USH2A: variants seen among roughly 807,000 people sequenced by gnomAD.
The protein encoded by USH2A is usherin, also known as Usher syndrome 2A (autosomal recessive, mild).
In USH2A, 443 loss-of-function variants were observed where a neutral mutation model predicts 538.9. The ratio of observed to expected loss-of-function variants is 0.82; its 90% CI spans 0.76 to 0.89. The LOEUF (loss-of-function observed/expected upper bound fraction) is 0.89, where lower values mean the gene tolerates loss of function less well. USH2A is among the 40% of genes least tolerant of loss of function. The probability of loss-of-function intolerance (pLI) is 0.00; values close to 1 mark genes in which losing one functional copy is unlikely to be tolerated. For synonymous variants in USH2A, 2,413 were observed against 2,273.5 expected (o/e 1.06, Z -1.75); for missense variants, 6,633 against 6,324.8 (o/e 1.05, Z -1.65).
intron 51 of USH2A, among the ~76,000 whole-genome samples, chr1:215,789,322 G>T (rs1173544626): frequency 6.6e-6 from 1 of 152,146 alleles, no homozygotes; most frequent in Non-Finnish European, 1.5e-5. Context: ...CTGTGTAGTT[G>T]CCTCATTGAA....
At chr1:216,320,444 C>T (rs975721351) in intron 9 of USH2A, among the ~76,000 whole-genome samples, 3 of 152,178 alleles carry the variant, frequency 2.0e-5, no homozygotes, top group Non-Finnish European at 4.4e-5. Context: ...ATTCCATACA[C>T]TTGTCATTGA....
At chr1:216,170,217 A>T (rs2034249932) in intron 21 of USH2A, among the ~76,000 whole-genome samples, 2 of 152,156 alleles carry the variant, frequency 1.3e-5, no homozygotes, top group Non-Finnish European at 2.9e-5. Context: ...GAAATAAAGA[A>T]TATGCTCTTA....
chr1:216,093,248 C>G (rs2102569192), intron 22 of USH2A, among the ~76,000 whole-genome samples: 1 of 152,322 alleles, frequency 6.6e-6, no homozygotes, highest in South Asian at 2.1e-4. Context: ...CAGGCATGAG[C>G]CACCACGCCC....
chr1:215,918,266 T>C (rs1447455599), intron 38 of USH2A, among the ~76,000 whole-genome samples: 1 of 152,132 alleles, frequency 6.6e-6, no homozygotes, highest in East Asian at 1.9e-4. Context: ...GTGTCTGCTA[T>C]GGTCTATGTC....
intron 60 of USH2A, among the ~76,000 whole-genome samples, chr1:215,732,105 T>G (rs1398624780): frequency 6.6e-6 from 1 of 152,198 alleles, no homozygotes; most frequent in East Asian, 1.9e-4. Context: ...GCATCTGGCA[T>G]TGAACAAGGA....
At chr1:216,262,294 G>A (rs1452360638) in intron 11 of USH2A, among the ~76,000 whole-genome samples, 3 of 151,756 alleles carry the variant, frequency 2.0e-5, no homozygotes, top group African/African-American at 7.3e-5. Flanking sequence ...CAAGATAGAA[G>A]AAAATACAGA....
At chr1:216,328,225 T>C (rs115835972) in intron 4 of USH2A, among the ~76,000 whole-genome samples, 84 of 152,280 alleles carry the variant, frequency 5.5e-4, no homozygotes, top group African/African-American at 1.9e-3. Context: ...AGTATCATAG[T>C]TCACTCTCAG....
At chr1:216,107,997 T>A (rs1220618126) in intron 21 of USH2A, among the ~76,000 whole-genome samples, 1 of 151,890 alleles carries the variant, frequency 6.6e-6, no homozygotes, top group African/African-American at 2.4e-5. Context: ...AGAATATGTT[T>A]AAAATTTCTT....
intron 21 of USH2A, among the ~76,000 whole-genome samples, chr1:216,136,136 G>A (rs1480791499): frequency 1.3e-5 from 2 of 152,084 alleles, no homozygotes; most frequent in African/African-American, 4.8e-5. Context: ...GGTTATTACT[G>A]TAAATGTACC....
intron 64 of USH2A, among the ~76,000 whole-genome samples, chr1:215,656,228 T>C (rs2102649275): frequency 6.6e-6 from 1 of 152,342 alleles, no homozygotes; most frequent in Middle Eastern, 3.4e-3. Flanking sequence ...TTAGGACTGA[T>C]GTTTTCCAAG....
intron 11 of USH2A, among the ~76,000 whole-genome samples, chr1:216,287,435 A>G (rs2102603747): frequency 6.6e-6 from 1 of 152,364 alleles, no homozygotes; most frequent in South Asian, 2.1e-4. Flanking sequence ...ATGCTGGAGT[A>G]CACTGCACTG....
intron 14 of USH2A, 130 bp downstream of exon 14, chr1:216,231,823 G>A: frequency 1.8e-6 from 2 of 1,084,310 alleles, no homozygotes; most frequent in Non-Finnish European, 1.4e-6. Context: ...AAAGTGCTGG[G>A]ATTACAGGTG....
At chr1:215,632,846 C>G (rs1355015570) in intron 70 of USH2A, among the ~76,000 whole-genome samples, 1 of 152,180 alleles carries the variant, frequency 6.6e-6, no homozygotes. Context: ...CAGTGAGAAT[C>G]TCCTAATGAC....
At chr1:216,097,381 A>T (rs2032465464) in intron 21 of USH2A, among the ~76,000 whole-genome samples, 168 bp from the exon 22 acceptor site, 1 of 152,164 alleles carries the variant, frequency 6.6e-6, no homozygotes, top group Admixed American at 6.5e-5. Context: ...AATATATCCC[A>T]TTTTAAATGC....
intron 4 of USH2A, among the ~76,000 whole-genome samples, chr1:216,345,492 G>C (rs144871645): frequency 1.2e-3 from 184 of 152,212 alleles, no homozygotes; most frequent in African/African-American, 4.2e-3. Context: ...CAGCAAAAGG[G>C]TAAGAATTTC....
At chr1:215,789,899 C>T (rs571134364) in intron 51 of USH2A, among the ~76,000 whole-genome samples, 160 bp downstream of exon 51, 5 of 152,232 alleles carry the variant, frequency 3.3e-5, no homozygotes, top group Non-Finnish European at 7.4e-5. Context: ...GCAATAACAT[C>T]AATCATAGCG....
Position 216,089,062 on chromosome 1 carries a change from A to G in USH2A, c.4836T>C (p.Ala1612=), listed in dbSNP as rs770773233. 1.6e-5 allele frequency: 26 copies of G among 1,613,454 alleles called. No individual in the cohort carries two copies. Among genetic ancestry groups the G allele is most frequent in the Non-Finnish European group, 2.0e-5 (24 of 1,179,648 alleles). ...TTTGGCCAAAAGCCTGATGCCTAAT[A>G]GCAATTATTTCATGCCATTTTCCAT... The part of the protein sequence containing the change: ...YSDGKWHEII[A]IRHQAFGQIT... Residue 1612 remains alanine (A), a synonymous_variant, in exon 23 of 72, where the codon GCT becomes GCC. Coordinates refer to ENST00000307340, the MANE Select transcript of USH2A (RefSeq NM_206933.4).
At chr1:215,995,777 A>C (rs944921027) in intron 34 of USH2A, among the ~76,000 whole-genome samples, 3 of 152,228 alleles carry the variant, frequency 2.0e-5, no homozygotes, top group Non-Finnish European at 4.4e-5. Flanking sequence ...TAAAGGCATA[A>C]CTCTGCCTTG....
chr1:216,237,434 G>T (rs2035847170), intron 13 of USH2A, among the ~76,000 whole-genome samples: 1 of 150,256 alleles, frequency 6.7e-6, no homozygotes, highest in South Asian at 2.1e-4. Context: ...CTCTTAGCTT[G>T]CAGTGAGCTG....
Sources: gnomAD v4.1 joint callset for allele counts (sites outside exome capture counted in the v4.1 genomes callset) on GRCh38, gnomAD v4.1.1 for gene constraint, MANE v1.5 for transcripts, NCBI Gene and HGNC (gene_info 2026-07-23, HGNC 2026-07-21) for gene names.